Variants in TNFSF8 observed in about 807,000 individuals in gnomAD.
TNFSF8 encodes the protein tumor necrosis factor ligand superfamily member 8.
Under a neutral mutation model 22.0 loss-of-function variants are expected in TNFSF8, and 4 were observed. That is an observed-to-expected ratio of 0.18 (90% CI 0.09 to 0.42). The LOEUF (loss-of-function observed/expected upper bound fraction) is 0.42. TNFSF8 is among the 10% of genes least tolerant of loss of function. The pLI is 1.00. For synonymous variants in TNFSF8, 106 were observed against 112.5 expected, an observed-to-expected ratio of 0.94 and a Z score of 0.37; for missense variants, 233 against 281.8, an observed-to-expected ratio of 0.83 and a Z score of 1.24.
chr9:114,919,337 G>A (rs925819211), intron 1 of TNFSF8, among the ~76,000 whole-genome samples: 1 of 152,100 alleles, frequency 6.6e-6, no homozygotes, highest in East Asian at 1.9e-4. Flanking sequence ...ATAAGAGGTT[G>A]ATAGAAACAG....
In TNFSF8 at chr9:114,904,340, A is replaced by G. The variant is rs750346699; in HGVS notation, c.311-15T>C. 1.9e-6 allele frequency: 3 copies of G among 1,578,446 alleles called. No homozygotes were observed. The highest frequency in any genetic ancestry group is 2.6e-6 in the Non-Finnish European group (3 of 1,164,072). ...ATGCTTTGCCACTAGAAAGAGAAGT[A>G]TAGAAAACAGAATTATTGAGAAGAT... On this transcript the variant is annotated splice_polypyrimidine_tract_variant and intron_variant, in intron 3 of 3. Transcript: ENST00000223795.
chr9:114,914,637 A>G (rs919725404), intron 2 of TNFSF8, among the ~76,000 whole-genome samples: 5 of 152,218 alleles, frequency 3.3e-5, no homozygotes, highest in Non-Finnish European at 7.3e-5. Flanking sequence ...AGGTTCAACC[A>G]GGTATCAGAT....
chr9:114,918,377 C>T (rs547383329), intron 1 of TNFSF8, among the ~76,000 whole-genome samples: 15 of 151,682 alleles, frequency 9.9e-5, no homozygotes, highest in African/African-American at 3.1e-4. Context: ...GCAAGAGACA[C>T]GGGGTTGAGT....
At chr9:114,893,847 T>C in exon 5 of TNFSF8, 1 of 482,260 alleles carries the variant, frequency 2.1e-6, no homozygotes, top group South Asian at 2.6e-5. Context: ...GTTGGCACTT[T>C]GAGTAGGGGG....
chr9:114,896,443 A>G (rs1247254596), downstream of TNFSF8, among the ~76,000 whole-genome samples: 1 of 152,208 alleles, frequency 6.6e-6, no homozygotes, highest in East Asian at 1.9e-4. Context: ...AAGGTATACC[A>G]AGGTTTGATT....
At chr9:114,917,793 T>C (rs1323950185) in intron 2 of TNFSF8, among the ~76,000 whole-genome samples, 4 of 152,220 alleles carry the variant, frequency 2.6e-5, no homozygotes, top group Non-Finnish European at 4.4e-5. Flanking sequence ...CCCCCATTTA[T>C]CTGATTTCAG....
intron 2 of TNFSF8, among the ~76,000 whole-genome samples, chr9:114,916,956 T>C (rs1827926731): frequency 6.6e-6 from 1 of 152,226 alleles, no homozygotes; most frequent in Non-Finnish European, 1.5e-5. Flanking sequence ...GCTAAGTAAT[T>C]CCAGCCAAAA....
chr9:114,917,194 C>T (rs2418326), intron 2 of TNFSF8, among the ~76,000 whole-genome samples: 32,741 of 152,108 alleles, frequency 0.22, 3,807 homozygotes, highest in South Asian at 0.26. Context: ...GTGCCACTAC[C>T]CTGGTGCCTA....
downstream of TNFSF8, chr9:114,901,065 T>G (rs1587930030): frequency 1.0e-6 from 1 of 984,460 alleles, no homozygotes; most frequent in South Asian, 4.7e-5. Flanking sequence ...GGTGGGGAGG[T>G]GGGGTTCAGA....
At chr9:114,900,233 A>G (rs1827700770), downstream of TNFSF8, among the ~76,000 whole-genome samples, 1 of 152,192 alleles carries the variant, frequency 6.6e-6, no homozygotes, top group Non-Finnish European at 1.5e-5. Flanking sequence ...TCTGTCAGAC[A>G]AGGGAGCCTC....
intron 3 of TNFSF8, among the ~76,000 whole-genome samples, chr9:114,905,251 A>T (rs764783613): frequency 6.6e-6 from 1 of 152,216 alleles, no homozygotes; most frequent in Non-Finnish European, 1.5e-5. Context: ...CTATTCAGAG[A>T]ATCTTGGCCA....
intron 1 of TNFSF8, among the ~76,000 whole-genome samples, chr9:114,929,030 T>A (rs1041113348): frequency 1.3e-5 from 2 of 152,168 alleles, no homozygotes; most frequent in Admixed American, 1.3e-4. Context: ...CTTTGGCAGG[T>A]CATGTGGGTG....
At chr9:114,918,458 TTTTTTTTTTTAGACAAAG>T (rs1827947347) in intron 1 of TNFSF8, among the ~76,000 whole-genome samples, 1 of 152,026 alleles carries the variant, frequency 6.6e-6, no homozygotes, top group African/African-American at 2.4e-5. Context: ...TGGGACTTTT[TTTTTTTTTTTAGACAAAG>T]TTTTACTCTG....
At chr9:114,896,909 CT>C (rs1006240725), downstream of TNFSF8, among the ~76,000 whole-genome samples, 52 of 150,808 alleles carry the variant, frequency 3.4e-4, no homozygotes, top group Non-Finnish European at 6.5e-4. Flanking sequence ...TTTTTTCTTT[CT>C]TTTTTTTTGA....
At chr9:114,898,428 A>G (rs1353502180), downstream of TNFSF8, among the ~76,000 whole-genome samples, 1 of 152,130 alleles carries the variant, frequency 6.6e-6, no homozygotes, top group East Asian at 1.9e-4. Flanking sequence ...GGGAGATGCT[A>G]TTGCTGTCTG....
intron 1 of TNFSF8, among the ~76,000 whole-genome samples, chr9:114,923,478 T>TTC (rs376484064): frequency 3.8e-5 from 4 of 105,682 alleles, no homozygotes; most frequent in Non-Finnish European, 5.6e-5. Context: ...TTTTCTTTCT[T>TTC]TTTCTTTCTT....
intron 1 of TNFSF8, among the ~76,000 whole-genome samples, chr9:114,926,839 G>A (rs915573731): frequency 6.6e-6 from 1 of 151,626 alleles, no homozygotes; most frequent in African/African-American, 2.4e-5. Flanking sequence ...TGGGGAAGGT[G>A]TGAAGATTTT....
chr9:114,909,351 G>T (rs1827824749), intron 2 of TNFSF8, among the ~76,000 whole-genome samples: 1 of 152,188 alleles, frequency 6.6e-6, no homozygotes, highest in Non-Finnish European at 1.5e-5. Context: ...AAAAAGTGAT[G>T]CCTGGAGAGG....
chr9:114,905,656 C>G (rs565819520), intron 3 of TNFSF8, among the ~76,000 whole-genome samples, 172 bp downstream of exon 3: 1 of 152,286 alleles, frequency 6.6e-6, no homozygotes, highest in East Asian at 1.9e-4. Context: ...ACGCTCTCCC[C>G]GCTAAGACAT....
Sources: gnomAD v4.1 joint callset for allele counts (sites outside exome capture counted in the v4.1 genomes callset) on GRCh38, gnomAD v4.1.1 for gene constraint, MANE v1.5 for transcripts, NCBI Gene and HGNC (gene_info 2026-07-23, HGNC 2026-07-21) for gene names.